CMAS: variants seen among roughly 807,000 people sequenced by gnomAD.
CMAS encodes the protein cytidine monophosphate N-acetylneuraminic acid synthetase.
CMAS carries 21 observed loss-of-function variants against 53.4 expected under a neutral mutation model. The observed-to-expected ratio is 0.39, with a 90% CI of 0.28 to 0.57. The LOEUF is 0.57. Ranked by LOEUF, CMAS falls within the 20% of genes least tolerant of loss-of-function variation. CMAS has a pLI of 0.56. For synonymous variants in CMAS, 189 were observed against 195.2 expected, an observed-to-expected ratio of 0.97 and a Z score of 0.27; for missense variants, 384 against 534.9, an observed-to-expected ratio of 0.72 and a Z score of 2.78.
chr12:22,062,510 AG>A, intron 7 of CMAS, 76 bp downstream of exon 7: 1 of 1,430,564 alleles, frequency 7.0e-7, no homozygotes, highest in Non-Finnish European at 9.8e-7. Context: ...GAAATGACAA[AG>A]CACATCCTCC....
At position 22,054,512 on chromosome 12, in the gene CMAS, AAAAG is replaced by A. The variant is rs1462875865; in HGVS notation, c.261-631_261-628del. 5.3e-5 allele frequency among the ~76,000 whole-genome samples: 8 copies of A among 152,332 alleles called. No individual in the cohort carries two copies. The East Asian group carries it at 9.6e-4, about 18-fold the overall frequency. On this transcript the variant is annotated intron_variant, in intron 1 of 7. Transcript: ENST00000229329. ...TATATACCCATTGTTTGTTGTTTAA[AAAAG>A]AAAGAGTTGTTTCATCTGATTTTTT...
intron 7 of CMAS, among the ~76,000 whole-genome samples, chr12:22,064,617 A>G (rs373000726): frequency 2.0e-5 from 3 of 152,274 alleles, no homozygotes; most frequent in African/African-American, 7.2e-5. Flanking sequence ...ATAAAAAATT[A>G]TATTTATCAG....
At chr12:22,064,194 T>C (rs137860425) in intron 7 of CMAS, among the ~76,000 whole-genome samples, 1 of 152,108 alleles carries the variant, frequency 6.6e-6, no homozygotes, top group Non-Finnish European at 1.5e-5. Flanking sequence ...GATTGTACTA[T>C]TGTATGTGGT....
intron 1 of CMAS, among the ~76,000 whole-genome samples, 186 bp downstream of exon 1, chr12:22,046,749 C>T (rs1950209444): frequency 6.6e-6 from 1 of 152,188 alleles, no homozygotes; most frequent in African/African-American, 2.4e-5. Context: ...GCTCCAGCTC[C>T]TTCCTTGTTC....
rs1950262588 is a variant in CMAS, at chr12:22,055,548, A to T, written c.497A>T (p.Tyr166Phe). 3.1e-6 allele frequency: 5 copies of T among 1,612,564 alleles called. No homozygotes were observed. In the Admixed American group the frequency reaches 8.4e-5, roughly 27 times the overall value. The change falls in exon 3 of 8, where the codon TAT (tyrosine) becomes TTT (phenylalanine). Residue 166 changes from tyrosine to phenylalanine, a missense_variant. Physicochemically the swap from Tyr to Phe is conservative, Grantham distance 22. Coordinates refer to ENST00000229329, the MANE Select transcript of CMAS (RefSeq NM_018686.6). ...GCAGAAATGATTCGAGAAGAAGGAT[A>T]TGATTCTGTTTTCTCTGTTGTGAGA... ...KVAEMIREEG[Y>F]DSVFSVVRRH...
chr12:22,055,688 G>A (rs1047327411), intron 3 of CMAS, 78 bp downstream of exon 3: 8 of 1,258,652 alleles, frequency 6.4e-6, no homozygotes, highest in African/African-American at 1.5e-5. Context: ...CTTTAGGCAT[G>A]AGGAGAGTAA....
rs1565533334 is a variant in CMAS, at chr12:22,065,171, G to A, written c.1165G>A (p.Ala389Thr). The A allele has an allele frequency of 6.8e-6, 11 of 1,613,698 alleles. No homozygotes were observed. In the East Asian group the frequency reaches 1.3e-4, roughly 20 times the overall value. ...ECLKRVGLSG[A>T]PADACSTAQK... ...CTTGAAGAGAGTGGGCCTAAGTGGC[G>A]CTCCTGCTGATGCCTGTTCTACTGC... is the stretch of plus-strand genomic sequence containing the variant. The change falls in exon 8 of 8, where the codon GCT becomes ACT. Residue 389 changes from alanine (A) to threonine (T), a missense_variant. This residue lies in a region of CMAS where 134 missense variants were observed against 154.6 expected (regional missense o/e 0.87). Transcript: ENST00000229329.
intron 7 of CMAS, among the ~76,000 whole-genome samples, chr12:22,064,275 T>C (rs1001065237): frequency 3.9e-5 from 6 of 152,068 alleles, no homozygotes; most frequent in African/African-American, 1.4e-4. Flanking sequence ...ATGCATCCTA[T>C]TCCAAAAAAG....
At chr12:22,049,554 C>T (rs1005569767) in intron 1 of CMAS, among the ~76,000 whole-genome samples, 15 of 152,076 alleles carry the variant, frequency 9.9e-5, no homozygotes, top group African/African-American at 3.6e-4. Context: ...ACTCATTGAC[C>T]ACAGGGATAA....
At chr12:22,060,783 T>C (rs770504733) in intron 4 of CMAS, 49 bp from the exon 5 acceptor site, 1 of 1,032,886 alleles carries the variant, frequency 9.7e-7, no homozygotes, top group Non-Finnish European at 1.5e-6. Flanking sequence ...TTTTGATATA[T>C]GTGAATGAAT....
rs751476700 is a variant in CMAS, at chr12:22,065,198, C to A, written c.1192C>A (p.Gln398Lys). Residue 398 changes from glutamine to lysine, a missense_variant, in exon 8 of 8, where the codon CAG (glutamine) becomes AAG (lysine). Gln to Lys is a moderately conservative substitution (Grantham distance 53, BLOSUM62 1). This residue lies in a region of CMAS where 134 missense variants were observed against 154.6 expected (regional missense o/e 0.87). Transcript: ENST00000229329. The stretch of plus-strand genomic sequence containing the variant: ...TCCTGCTGATGCCTGTTCTACTGCC[C>A]AGAAGGCTGTTGGATACATTTGCAA... ...GAPADACSTA[Q>K]KAVGYICKCN... 9 of 1,613,906 alleles carry A rather than the reference C, an allele frequency of 5.6e-6. No individual in the cohort carries two copies. The highest frequency in any genetic ancestry group is 6.8e-6 in the Non-Finnish European group (8 of 1,179,974).
chr12:22,049,292 A>G (rs533501314), intron 1 of CMAS, among the ~76,000 whole-genome samples: 83 of 152,314 alleles, frequency 5.4e-4, no homozygotes, highest in Middle Eastern at 3.4e-3. Context: ...GTTCATCAAG[A>G]GGAAAATTGG....
rs1316827098 is a variant in CMAS, at chr12:22,046,282, G to A, written c.-22G>A. 2.8e-6 allele frequency: 4 copies of A among 1,433,608 alleles called. No individual in the cohort carries two copies. In the African/African-American group the frequency reaches 6.0e-5, roughly 21 times the overall value. The allele number at this position is 1,433,608 out of a possible 1,614,324, so 88.8% of individuals were successfully genotyped here. A position where few individuals can be genotyped will look rare whatever the true frequency, so the allele number is the denominator to read the frequency against. ...ACTAGCTCCCGGATGTGGAGAAGCT[G>A]GGGAGAAGGCGTGGGAGGAAGATGG... On this transcript the variant is annotated 5_prime_UTR_variant, in exon 1 of 8. The change creates a premature stop within an existing upstream ORF in the 5' untranslated region. Transcript: ENST00000229329.
Position 22,058,629 on chromosome 12 carries a change from G to A in CMAS, c.622G>A (p.Asp208Asn). 1 of 1,613,778 alleles carries A rather than the reference G, an allele frequency of 6.2e-7. No homozygotes were observed. The highest frequency in any genetic ancestry group is 8.5e-7 in the Non-Finnish European group (1 of 1,179,830). ...TAAACGGCCTCGTCGACAAGACTGG[G>A]ATGGAGAATTATATGAAAATGGCTC... The part of the protein sequence containing the change: ...PAKRPRRQDW[D>N]GELYENGSFY... Residue 208 changes from aspartate to asparagine, a missense_variant, in exon 4 of 8, where the codon GAT becomes AAT. By Grantham distance (23) the Asp-to-Asn change is conservative (BLOSUM62 1). Transcript: ENST00000229329.
At chr12:22,056,473 T>C (rs1950269143) in intron 3 of CMAS, among the ~76,000 whole-genome samples, 1 of 152,152 alleles carries the variant, frequency 6.6e-6, no homozygotes, top group Non-Finnish European at 1.5e-5. Context: ...CAATTAGGAG[T>C]TGGGCTGGGT....
rs71053372 is a variant in CMAS at position 22,057,240 on chromosome 12, T to TACACACAC, written c.560-1299_560-1292dup. Among the ~76,000 whole-genome samples, 127 of 118,074 alleles carry TACACACAC rather than the reference T, an allele frequency of 1.1e-3. 1 individual carries two copies. The highest frequency in any genetic ancestry group is 5.0e-3 in the African/African-American group (115 of 23,090). The allele number at this position is 118,074 out of a possible 152,430, so 77.5% of individuals were successfully genotyped here. The stretch of plus-strand genomic sequence containing the variant: ...TAACCAGCTATTACACACACACACA[T>TACACACAC]ACACACACACACACACACACACACA... On this transcript the variant is annotated intron_variant, in intron 3 of 7. Coordinates refer to ENST00000229329, the MANE Select transcript of CMAS (RefSeq NM_018686.6).
chr12:22,047,474 C>G (rs1180102169), intron 1 of CMAS, among the ~76,000 whole-genome samples: 1 of 152,024 alleles, frequency 6.6e-6, no homozygotes, highest in Non-Finnish European at 1.5e-5. Context: ...GAAGTCATCT[C>G]TTTTTCTTTT....
chr12:22,050,327 T>C (rs530801950), intron 1 of CMAS, among the ~76,000 whole-genome samples: 1 of 152,306 alleles, frequency 6.6e-6, no homozygotes, highest in African/African-American at 2.4e-5. Flanking sequence ...TGTACTGAAG[T>C]GTGTGCCTCA....
intron 3 of CMAS, among the ~76,000 whole-genome samples, chr12:22,058,126 TA>T (rs1181457805): frequency 2.0e-5 from 3 of 150,924 alleles, no homozygotes; most frequent in African/African-American, 7.3e-5. Flanking sequence ...ACATTCAGCC[TA>T]AAAAAAGTTC....
Sources: allele counts gnomAD v4.1 joint callset (sites outside exome capture counted in the v4.1 genomes callset), GRCh38; gene constraint gnomAD v4.1.1; regional missense constraint gnomAD v4.1.1; transcripts MANE v1.5; gene names NCBI Gene and HGNC (gene_info 2026-07-23, HGNC 2026-07-21).